Variants in RCAN3 observed in about 807,000 individuals in gnomAD.
The protein encoded by RCAN3 is regulator of calcineurin 3, also known as calcipressin-3.
Under a neutral mutation model 21.9 loss-of-function variants are expected in RCAN3, and 19 were observed. The observed-to-expected ratio is 0.87, with a 90% confidence interval of 0.61 to 1.27. The LOEUF is 1.27. RCAN3 is among the 50% of genes most tolerant of loss of function. The pLI is 0.00. For missense variants in RCAN3, 240 were observed against 300.1 expected (o/e 0.80, Z 1.48); for synonymous variants, 114 against 112.3 (o/e 1.01, Z -0.09).
At chr1:24,506,327 C>CAAAGGG (rs1473490704) in intron 1 of RCAN3, among the ~76,000 whole-genome samples, 1 of 151,926 alleles carries the variant, frequency 6.6e-6, no homozygotes, top group Non-Finnish European at 1.5e-5. Flanking sequence ...TGACAATAAT[C>CAAAGGG]TAAAGAAAAA....
In RCAN3 at chr1:24,535,191, C is replaced by A; in HGVS notation, c.640C>A (p.Pro214Thr). Residue 214 changes from proline (P) to threonine (T), a missense_variant, in exon 5 of 5, where the codon CCC becomes ACC. Physicochemically the swap from Pro to Thr is conservative, Grantham distance 38 (BLOSUM62 -1). Transcript: ENST00000374395. Reference protein sequence around the residue: ...ETEEEEETKNPKQKIAQTRRP... With the variant: ...ETEEEEETKNTKQKIAQTRRP... The stretch of plus-strand genomic sequence containing the variant: ...TGAAGAGGAAGAAGAGACAAAAAAC[C>A]CCAAACAGAAAATTGCCCAGACGAG... 6.3e-7 allele frequency: 1 copy of A among 1,594,168 alleles called. No individual in the cohort carries two copies. Among genetic ancestry groups the A allele is most frequent in the South Asian group, 1.1e-5 (1 of 88,114 alleles).
intron 2 of RCAN3, among the ~76,000 whole-genome samples, chr1:24,522,946 A>C (rs1054939381): frequency 5.3e-5 from 8 of 152,096 alleles, no homozygotes; most frequent in Admixed American, 4.6e-4. Context: ...CTCATTTTCC[A>C]CGAAATCTGT....
At chr1:24,529,239 T>C (rs1201699205) in intron 2 of RCAN3, among the ~76,000 whole-genome samples, 1 of 151,672 alleles carries the variant, frequency 6.6e-6, no homozygotes, top group Non-Finnish European at 1.5e-5. Flanking sequence ...AGACTGTGTC[T>C]GTACAAAAAT....
chr1:24,532,948 C>CA (rs756973308), intron 3 of RCAN3, 135 bp from the exon 4 acceptor site: 8,069 of 92,864 alleles, frequency 0.087, 1,017 homozygotes, highest in African/African-American at 0.099. Context: ...GACTCCGTCT[C>CA]AAAAAAAAAA....
chr1:24,513,323 T>G (rs1648046857), intron 1 of RCAN3, among the ~76,000 whole-genome samples: 1 of 152,128 alleles, frequency 6.6e-6, no homozygotes, highest in Non-Finnish European at 1.5e-5. Flanking sequence ...AGGCTGGTCT[T>G]GAACGCCTGA....
intron 1 of RCAN3, among the ~76,000 whole-genome samples, chr1:24,510,510 T>G (rs193037633): frequency 6.6e-6 from 1 of 152,342 alleles, no homozygotes; most frequent in African/African-American, 2.4e-5. Flanking sequence ...CAACCTCCAC[T>G]AGCTTCAGAC....
intron 2 of RCAN3, among the ~76,000 whole-genome samples, chr1:24,520,968 CA>C (rs1261629927): frequency 6.6e-6 from 1 of 152,100 alleles, no homozygotes; most frequent in African/African-American, 2.4e-5. Flanking sequence ...CCCTGAAATT[CA>C]TATAGAACCT....
intron 2 of RCAN3, among the ~76,000 whole-genome samples, chr1:24,530,825 A>G (rs1390457905): frequency 6.6e-6 from 1 of 152,216 alleles, no homozygotes; most frequent in Non-Finnish European, 1.5e-5. Flanking sequence ...AGCCTAGCCA[A>G]CATGGTGAAA....
chr1:24,518,594 C>G (rs1160153654), intron 2 of RCAN3, among the ~76,000 whole-genome samples: 3 of 147,996 alleles, frequency 2.0e-5, no homozygotes, highest in Non-Finnish European at 3.0e-5. Flanking sequence ...TTTTTTTTTT[C>G]TCTGTCTTTT....
intron 2 of RCAN3, among the ~76,000 whole-genome samples, chr1:24,515,139 A>T (rs1648200521): frequency 1.3e-5 from 2 of 152,350 alleles, no homozygotes; most frequent in South Asian, 4.1e-4. Flanking sequence ...GTCAAGTCTT[A>T]TTCAATCCAT....
upstream of RCAN3, among the ~76,000 whole-genome samples, chr1:24,502,645 A>G (rs1031385478): frequency 4.6e-5 from 7 of 152,058 alleles, no homozygotes; most frequent in East Asian, 1.4e-3. Context: ...GGGGTGATCT[A>G]AAGCCCCCGC....
chr1:24,517,494 TG>T (rs1477080663), intron 2 of RCAN3, among the ~76,000 whole-genome samples: 3 of 152,218 alleles, frequency 2.0e-5, no homozygotes, highest in Non-Finnish European at 4.4e-5. Context: ...GGGTCCTTGT[TG>T]GGTTTCATTT....
At chr1:24,524,764 G>C (rs1157632128) in intron 2 of RCAN3, among the ~76,000 whole-genome samples, 2 of 151,848 alleles carry the variant, frequency 1.3e-5, no homozygotes, top group African/African-American at 4.8e-5. Context: ...CTGCTGAATG[G>C]ATCAAGCCAT....
rs1336408115 is a variant in RCAN3 at position 24,535,571 on chromosome 1, C to G, written c.*294C>G. ...AACAAATTAGGAAAACAGCTCCCCTCCCCTCCAGCCATGTAAGTCCTCCTG... is the reference window on the plus strand; with the variant it reads ...AACAAATTAGGAAAACAGCTCCCCTGCCCTCCAGCCATGTAAGTCCTCCTG... On this transcript the variant is annotated 3_prime_UTR_variant, in exon 5 of 5. Transcript: ENST00000374395. The G allele has an allele frequency of 3.4e-6, 1 of 294,140 alleles. No individual in the cohort carries two copies. The highest frequency in any genetic ancestry group is 2.2e-5 in the African/African-American group (1 of 46,308). 18.2% of individuals were successfully genotyped at this position (294,140 alleles called of 1,614,324 possible). A position where few individuals can be genotyped will look rare whatever the true frequency, so the allele number is the denominator to read the frequency against.
intron 2 of RCAN3, among the ~76,000 whole-genome samples, chr1:24,529,593 C>G (rs1297014680): frequency 6.9e-6 from 1 of 145,580 alleles, no homozygotes; most frequent in Non-Finnish European, 1.5e-5. Context: ...TTCTGTCACC[C>G]AGGCTGGAGT....
At chr1:24,508,600 G>T (rs1647638461) in intron 1 of RCAN3, among the ~76,000 whole-genome samples, 1 of 152,200 alleles carries the variant, frequency 6.6e-6, no homozygotes, top group Non-Finnish European at 1.5e-5. Context: ...GGGACACAGG[G>T]AGGTCTAAGA....
intron 3 of RCAN3, among the ~76,000 whole-genome samples, chr1:24,531,834 G>T (rs1009821782): frequency 1.3e-5 from 2 of 152,110 alleles, no homozygotes; most frequent in East Asian, 1.9e-4. Flanking sequence ...GTACAAAAGG[G>T]CTGTCTTCGA....
intron 3 of RCAN3, 121 bp from the exon 4 acceptor site, chr1:24,532,948 CAAAAAAAAAAAAAA>C (rs756973308): frequency 1.6e-4 from 15 of 93,222 alleles, no homozygotes; most frequent in African/African-American, 1.0e-3. Context: ...GACTCCGTCT[CAAAAAAAAAAAAAA>C]AAAAAAAAAA....
chr1:24,530,490 A>T (rs1047531015), intron 2 of RCAN3, among the ~76,000 whole-genome samples: 3 of 152,108 alleles, frequency 2.0e-5, no homozygotes, highest in Admixed American at 2.0e-4. Flanking sequence ...ATACAAATAG[A>T]TGTTGTAAAC....
Sources: allele counts gnomAD v4.1 joint callset (sites outside exome capture counted in the v4.1 genomes callset), GRCh38; gene constraint gnomAD v4.1.1; transcripts MANE v1.5; gene names NCBI Gene and HGNC (gene_info 2026-07-23, HGNC 2026-07-21).